Variants in PCDHGB6 observed in about 807,000 individuals in gnomAD.
PCDHGB6 encodes the protein protocadherin gamma-B6.
PCDHGB6 carries 51 observed loss-of-function variants against 59.1 expected under a neutral mutation model. The ratio of observed to expected loss-of-function variants is 0.86; its 90% confidence interval spans 0.69 to 1.09. The LOEUF is 1.09. Ranked by LOEUF, PCDHGB6 falls within the 50% of genes least tolerant of loss-of-function variation. PCDHGB6 has a pLI of 0.00. For missense variants in PCDHGB6, 1,148 were observed against 1,205.1 expected (o/e 0.95, Z 0.70); for synonymous variants, 466 against 495.1 (o/e 0.94, Z 0.78).
In PCDHGB6 at chr5:141,490,658, T is replaced by A. The variant is rs776806248; in HGVS notation, c.2419-4149T>A. The A allele has an allele frequency of 8.1e-6, 13 of 1,614,204 alleles. No homozygotes were observed. The South Asian group carries it at 1.4e-4, about 18-fold the overall frequency. ...GAAAACCGGCCTCCGGGCTCCCTTC[T>A]TTGCACTGTGGCTGCCTCAGATCCA... On this transcript the variant is annotated intron_variant, in intron 1 of 3. Transcript: ENST00000520790. The surrounding 1 kb of genome is among the most constrained non-coding windows in gnomAD (Gnocchi z 5.4).
In PCDHGB6 at chr5:141,477,294, C is replaced by T. The variant is rs753131175; in HGVS notation, c.2419-17513C>T. ...GGGCTGGTGACCTGCGAAGTTCCAC[C>T]GGGTCTCCCTTTCAGCCTTACTTCT... is the stretch of plus-strand genomic sequence containing the variant. On this transcript the variant is annotated intron_variant, in intron 1 of 3. Transcript: ENST00000520790. The surrounding 1 kb of genome is among the most constrained non-coding windows in gnomAD (Gnocchi z 4.9). 4.3e-6 allele frequency: 7 copies of T among 1,614,142 alleles called. No individual in the cohort carries two copies. Among genetic ancestry groups the T allele is most frequent in the East Asian group, 4.5e-5 (2 of 44,872 alleles).
In PCDHGB6 at chr5:141,485,178, T is replaced by A; in HGVS notation, c.2419-9629T>A. The stretch of plus-strand genomic sequence containing the variant: ...GAGAATTAGCGGGCGGCAGCAATGC[T>A]CCGCAAGGTGAGAAGCTGGACAGAA... On this transcript the variant is annotated intron_variant, in intron 1 of 3. Transcript: ENST00000520790. This position sits in a 1 kb window ranked among gnomAD's most constrained non-coding sequence, Gnocchi z 5.7. 1.2e-6 allele frequency: 2 copies of A among 1,612,400 alleles called. No homozygotes were observed. Among genetic ancestry groups the A allele is most frequent in the Non-Finnish European group, 1.7e-6 (2 of 1,178,628 alleles).
rs57426385 is a variant in PCDHGB6 at position 141,415,740 on chromosome 5, G to GTTTTTTTTTTTTTT, written c.2418+5139_2418+5152dup. 1.9e-4 allele frequency: 117 copies of GTTTTTTTTTTTTTT among 625,018 alleles called. 7 individuals are homozygous for GTTTTTTTTTTTTTT. Among genetic ancestry groups the GTTTTTTTTTTTTTT allele is most frequent in the African/African-American group, 5.0e-4 (20 of 39,930 alleles). 38.7% of individuals were successfully genotyped at this position (625,018 alleles called of 1,614,324 possible). A position where few individuals can be genotyped will look rare whatever the true frequency, so the allele number is the denominator to read the frequency against. On this transcript the variant is annotated intron_variant, in intron 1 of 3. Coordinates refer to ENST00000520790, the MANE Select transcript of PCDHGB6 (RefSeq NM_018926.3). ...TGAGTAGAATTTGATGTTTATTAAGGTTTTTTTTTTTTTTTTTTTTTTTTT... is the reference window on the plus strand; with the variant it reads ...TGAGTAGAATTTGATGTTTATTAAGGTTTTTTTTTTTTTTTTTTTTTTTTTTTTTTTTTTTTTTT...
In PCDHGB6 at chr5:141,489,720, G is replaced by A. The variant is rs560729125; in HGVS notation, c.2419-5087G>A. ...TCCCACTGGACAGTGCCCAGGATCC[G>A]GATGTGGGCACCAATACTGTGAGCT... On this transcript the variant is annotated intron_variant, in intron 1 of 3. Transcript: ENST00000520790. The surrounding 1 kb of genome is among the most constrained non-coding windows in gnomAD (Gnocchi z 4.5). The A allele has an allele frequency of 3.2e-5, 51 of 1,614,200 alleles. No individual in the cohort carries two copies. The highest frequency in any genetic ancestry group is 9.3e-5 in the African/African-American group (7 of 75,048).
intron 1 of PCDHGB6, 101 bp downstream of exon 1, chr5:141,410,721 A>G (rs2154543206): frequency 1.5e-5 from 21 of 1,395,496 alleles, no homozygotes; most frequent in Non-Finnish European, 2.0e-5. Context: ...ATATGTTTAA[A>G]ATCCATAGCT....
intron 2 of PCDHGB6, 147 bp from the exon 3 acceptor site, chr5:141,505,246 G>A (rs2099844792): frequency 2.1e-6 from 3 of 1,436,556 alleles, no homozygotes; most frequent in African/African-American, 1.4e-5. Flanking sequence ...AAGGATTGTA[G>A]AAGTGCCTCC....
intron 2 of PCDHGB6, among the ~76,000 whole-genome samples, chr5:141,503,091 G>A (rs2099818095): frequency 6.6e-6 from 1 of 151,808 alleles, no homozygotes; most frequent in African/African-American, 2.4e-5. Flanking sequence ...CTGACCTCGT[G>A]GTCTGCCCGC....
At chr5:141,459,215 G>C (rs2098963353) in intron 1 of PCDHGB6, among the ~76,000 whole-genome samples, 1 of 152,112 alleles carries the variant, frequency 6.6e-6, no homozygotes, top group South Asian at 2.1e-4. Flanking sequence ...TACTTCTCCA[G>C]CTCCAGGCAA....
At chr5:141,460,341 C>T (rs557699438) in intron 1 of PCDHGB6, among the ~76,000 whole-genome samples, 39 of 152,110 alleles carry the variant, frequency 2.6e-4, no homozygotes, top group Admixed American at 2.4e-3. Flanking sequence ...ATGATTTTCT[C>T]CTATATTTTC....
At chr5:141,430,635 T>C (rs1561846344) in intron 1 of PCDHGB6, 1 of 881,828 alleles carries the variant, frequency 1.1e-6, no homozygotes, top group African/African-American at 1.7e-5. Context: ...GAACCATCCC[T>C]GGGAGTATGT....
In PCDHGB6 at chr5:141,459,764, A is replaced by G. The variant is rs980972909; in HGVS notation, c.2419-35043A>G. On this transcript the variant is annotated intron_variant, in intron 1 of 3. Transcript: ENST00000520790. ...TTTTAGCAATTCTAGTGGGTGTGTG[A>G]TACTATCTCATTGAAGTTTCAACTG... Among the ~76,000 whole-genome samples, 56 of 152,208 alleles carry G rather than the reference A, an allele frequency of 3.7e-4. 1 individual carries two copies. Among genetic ancestry groups the G allele is most frequent in the Admixed American group, 6.5e-5 (1 of 15,274 alleles).
At chr5:141,421,762 T>G (rs1272315856) in intron 1 of PCDHGB6, 2 of 1,613,884 alleles carry the variant, frequency 1.2e-6, no homozygotes, top group Non-Finnish European at 8.5e-7. Context: ...TAATAATTAC[T>G]TTTCCTTGCA....
chr5:141,478,434 T>C (rs747890986), intron 1 of PCDHGB6: 2 of 1,613,700 alleles, frequency 1.2e-6, no homozygotes, highest in East Asian at 2.2e-5. Flanking sequence ...GACCCGCTGC[T>C]GAAGAAACCT....
chr5:141,409,832 G>A lies in PCDHGB6; in HGVS notation c.1630G>A (p.Ala544Thr), dbSNP rs777679132. The change falls in exon 1 of 4, where the codon GCC (alanine) becomes ACC (threonine). Residue 544 changes from alanine to threonine, a missense_variant. This residue lies in a region of PCDHGB6 where 549 missense variants were observed against 527.5 expected (regional missense o/e 1.04). Coordinates refer to ENST00000520790, the MANE Select transcript of PCDHGB6 (RefSeq NM_018926.3). ...CGACCACGGCTCGCCCACGCTCAGC[G>A]CCAACGTGAGCCTGCGCGTGTTGGT... The part of the protein sequence containing the change: ...ARDHGSPTLS[A>T]NVSLRVLVGD... 1.2e-5 allele frequency: 20 copies of A among 1,610,814 alleles called. No individual in the cohort carries two copies. Among genetic ancestry groups the A allele is most frequent in the Non-Finnish European group, 1.6e-5 (19 of 1,178,942 alleles).
intron 1 of PCDHGB6, chr5:141,440,019 G>A (rs747595475): frequency 6.5e-5 from 10 of 153,114 alleles, no homozygotes; most frequent in Non-Finnish European, 8.8e-5. Flanking sequence ...AAGGATCTGG[G>A]ACTCAGTGTC....
In PCDHGB6 at chr5:141,408,251, C is replaced by T. The variant is rs761835750; in HGVS notation, c.49C>T (p.Leu17=). 3.8e-6 allele frequency: 6 copies of T among 1,597,008 alleles called. No individual in the cohort carries two copies. Among genetic ancestry groups the T allele is most frequent in the Middle Eastern group, 1.7e-4 (1 of 6,030 alleles). The part of the protein sequence containing the change: ...QRRRAGPRQV[L]FPLLLPLFYP... ...GCGCCGGGCCGGCCCGCGGCAGGTG[C>T]TATTTCCTTTGCTGCTGCCTTTGTT... Residue 17 remains leucine (L), a synonymous_variant, in exon 1 of 4, where the codon CTA becomes TTA. Transcript: ENST00000520790.
Position 141,490,778 on chromosome 5 carries a change from A to T in PCDHGB6, c.2419-4029A>T, listed in dbSNP as rs964301520. The T allele has an allele frequency of 5.6e-6, 9 of 1,614,098 alleles. No individual in the cohort carries two copies. The highest frequency in any genetic ancestry group is 7.6e-6 in the Non-Finnish European group (9 of 1,179,962). On this transcript the variant is annotated intron_variant, in intron 1 of 3. Transcript: ENST00000520790. This position sits in a 1 kb window ranked among gnomAD's most constrained non-coding sequence, Gnocchi z 5.4. ...TCCTTTGTGTATGTCAACCCAGAGG[A>T]TGGACGGATCTTTGCCCAGCGTACC... is the stretch of plus-strand genomic sequence containing the variant.
rs370932300 is a variant in PCDHGB6, at chr5:141,459,955, G to A, written c.2419-34852G>A. Among the ~76,000 whole-genome samples, 15 of 152,316 alleles carry A rather than the reference G, an allele frequency of 9.8e-5. No homozygotes were observed. The East Asian group carries it at 2.3e-3, about 24-fold the overall frequency. The stretch of plus-strand genomic sequence containing the variant: ...TAGCTGGGCGTGATGGCAGGTGCCT[G>A]TAATCCCAGCTACTCAGGAGGCTGA... On this transcript the variant is annotated intron_variant, in intron 1 of 3. Coordinates refer to ENST00000520790, the MANE Select transcript of PCDHGB6 (RefSeq NM_018926.3).
chr5:141,411,285 A>C (rs2095477948), intron 1 of PCDHGB6: 1 of 152,218 alleles, frequency 6.6e-6, no homozygotes, highest in South Asian at 2.1e-4. Flanking sequence ...AAAAATATTC[A>C]GAAGACAGGC....
Sources: allele counts gnomAD v4.1 joint callset (sites outside exome capture counted in the v4.1 genomes callset), GRCh38; gene constraint gnomAD v4.1.1; regional missense constraint gnomAD v4.1.1; non-coding constraint Gnocchi (gnomAD v3.1); transcripts MANE v1.5; gene names NCBI Gene and HGNC (gene_info 2026-07-23, HGNC 2026-07-21).